Variants in PRKCZ observed in about 807,000 individuals in gnomAD.
PRKCZ encodes protein kinase C zeta type.
A neutral mutation model predicts 79.5 loss-of-function variants in PRKCZ; 33 were observed. That is an observed-to-expected ratio of 0.41 (90% CI 0.31 to 0.55). The LOEUF is 0.55. Ranked by LOEUF, PRKCZ falls within the 20% of genes least tolerant of loss-of-function variation. The probability of loss-of-function intolerance (pLI) is 0.19; values close to 1 mark genes in which losing one functional copy is unlikely to be tolerated. For synonymous variants in PRKCZ, 342 were observed against 320.9 expected, an observed-to-expected ratio of 1.07 and a Z score of -0.70; for missense variants, 578 against 813.5, an observed-to-expected ratio of 0.71 and a Z score of 3.52.
chr1:2,071,726 CTG>C (rs1191795161), intron 4 of PRKCZ, among the ~76,000 whole-genome samples: 3 of 152,192 alleles, frequency 2.0e-5, no homozygotes, highest in African/African-American at 4.8e-5. Context: ...AGCCGGCCGT[CTG>C]TGTGAAGTTT....
At chr1:2,062,625 G>A (rs1660791490) in intron 4 of PRKCZ, among the ~76,000 whole-genome samples, 1 of 151,728 alleles carries the variant, frequency 6.6e-6, no homozygotes, top group African/African-American at 2.4e-5. Context: ...GAGTAGCTGG[G>A]ATTACAGGTG....
chr1:2,095,345 GC>G (rs1666273063), intron 4 of PRKCZ, among the ~76,000 whole-genome samples: 1 of 152,170 alleles, frequency 6.6e-6, no homozygotes, highest in Non-Finnish European at 1.5e-5. Context: ...GGCGGGCAGA[GC>G]CCCATGCTGT....
Position 2,056,534 on chromosome 1 carries a change from C to T in PRKCZ, c.244C>T (p.Leu82=), listed in dbSNP as rs1267268577. 5 of 1,613,886 alleles carry T rather than the reference C, an allele frequency of 3.1e-6. No homozygotes were observed. Among genetic ancestry groups the T allele is most frequent in the East Asian group, 2.2e-5 (1 of 44,884 alleles). Reference sequence around the variant, plus strand: ...GATGGAGCTGGAAGAGGCTTTCCGCCTGGCCCGTCAGTGCAGGGATGAAGG... The same window carrying T: ...GATGGAGCTGGAAGAGGCTTTCCGCTTGGCCCGTCAGTGCAGGGATGAAGG... The part of the protein sequence containing the change: ...SQMELEEAFR[L]ARQCRDEGLI... The change falls in exon 3 of 18, where the codon CTG becomes TTG. Residue 82 remains leucine, a synonymous_variant. Coordinates refer to ENST00000378567, the MANE Select transcript of PRKCZ (RefSeq NM_002744.6).
intron 10 of PRKCZ, among the ~76,000 whole-genome samples, chr1:2,164,473 G>A (rs1283404773): frequency 6.6e-6 from 1 of 152,208 alleles, no homozygotes; most frequent in Non-Finnish European, 1.5e-5. Flanking sequence ...GGGCTGCAGG[G>A]AAGTCACCAG....
chr1:2,096,268 C>G (rs564237475), intron 4 of PRKCZ, among the ~76,000 whole-genome samples: 14 of 151,966 alleles, frequency 9.2e-5, no homozygotes, highest in African/African-American at 3.4e-4. Flanking sequence ...GGGAGGCGCA[C>G]GGCAGCATGA....
chr1:2,153,577 C>T (rs1032709460), intron 9 of PRKCZ, among the ~76,000 whole-genome samples: 5 of 152,244 alleles, frequency 3.3e-5, no homozygotes, highest in South Asian at 2.1e-4. Context: ...TGCCCTGCGC[C>T]GAGGAACAGA....
intron 2 of PRKCZ, among the ~76,000 whole-genome samples, chr1:2,056,181 C>G (rs1660139545): frequency 6.6e-6 from 1 of 152,220 alleles, no homozygotes; most frequent in Admixed American, 6.5e-5. Context: ...CTCCCTCCGC[C>G]CAGGACTGAC....
chr1:2,173,787 A>C lies in PRKCZ; in HGVS notation c.1286-110A>C. The stretch of plus-strand genomic sequence containing the variant: ...CAGAGGCCTGTGTGCCGCCTGCTCA[A>C]GCCTGGCTCACACTCGTGTCAACTG... On this transcript the variant is annotated intron_variant, in intron 13 of 17. Coordinates refer to ENST00000378567, the MANE Select transcript of PRKCZ (RefSeq NM_002744.6). This position sits in a 1 kb window ranked among gnomAD's most constrained non-coding sequence, Gnocchi z 5.7. The C allele has an allele frequency of 6.9e-7, 1 of 1,452,694 alleles. No individual in the cohort carries two copies. The highest frequency in any genetic ancestry group is 9.2e-7 in the Non-Finnish European group (1 of 1,092,466). 90.0% of individuals were successfully genotyped at this position (1,452,694 alleles called of 1,614,324 possible).
At chr1:2,076,918 T>G (rs1245298024) in intron 4 of PRKCZ, among the ~76,000 whole-genome samples, 2 of 152,176 alleles carry the variant, frequency 1.3e-5, no homozygotes, top group African/African-American at 2.4e-5. Context: ...AGGATTCTCC[T>G]GAACACGCGA....
intron 4 of PRKCZ, among the ~76,000 whole-genome samples, chr1:2,102,889 C>G (rs1424210374): frequency 6.6e-6 from 1 of 151,886 alleles, no homozygotes; most frequent in Non-Finnish European, 1.5e-5. Context: ...CCGTCTGTCT[C>G]TCTCTCAAGA....
At chr1:2,099,321 G>GTCAT (rs947858430) in intron 4 of PRKCZ, among the ~76,000 whole-genome samples, 14 of 152,250 alleles carry the variant, frequency 9.2e-5, no homozygotes, top group South Asian at 4.1e-4. Flanking sequence ...CTGGAGCCCT[G>GTCAT]TCATTCATTC....
intron 7 of PRKCZ, among the ~76,000 whole-genome samples, chr1:2,146,405 G>A (rs923412351): frequency 2.6e-5 from 4 of 152,190 alleles, no homozygotes; most frequent in Non-Finnish European, 5.9e-5. Context: ...AACCAGCTCC[G>A]GGAGTTCTCG....
At position 2,133,314 on chromosome 1, in the gene PRKCZ, A is replaced by C. The variant is rs533027071; in HGVS notation, c.335-1948A>C. Among the ~76,000 whole-genome samples, 321 of 139,704 alleles carry C rather than the reference A, an allele frequency of 2.3e-3. 3 individuals carry two copies. Among genetic ancestry groups the C allele is most frequent in the African/African-American group, 8.4e-3 (306 of 36,456 alleles). 91.7% of individuals were successfully genotyped at this position (139,704 alleles called of 152,430 possible). A position where few individuals can be genotyped will look rare whatever the true frequency, so the allele number is the denominator to read the frequency against. On this transcript the variant is annotated intron_variant, in intron 4 of 17. Coordinates refer to ENST00000378567, the MANE Select transcript of PRKCZ (RefSeq NM_002744.6). ...GCCCTGCGGCTCCGCCCGCAGCTGC[A>C]CGTTCGTCCCTCGGCTCCGCCCCCA... is the stretch of plus-strand genomic sequence containing the variant.
At chr1:2,171,934 G>C (rs1444007867) in intron 11 of PRKCZ, 121 bp from the exon 12 acceptor site, 5 of 1,250,934 alleles carry the variant, frequency 4.0e-6, no homozygotes, top group Non-Finnish European at 5.4e-6. Flanking sequence ...TCCTGGGCCT[G>C]GTCATTGAGA....
intron 10 of PRKCZ, among the ~76,000 whole-genome samples, chr1:2,166,262 T>C (rs181216474): frequency 1.6e-4 from 24 of 152,160 alleles, no homozygotes; most frequent in Admixed American, 1.2e-3. Flanking sequence ...CTACAAAAAA[T>C]TTAAAAATTA....
chr1:2,082,997 C>G lies in PRKCZ; in HGVS notation c.334+23406C>G, dbSNP rs115470299. On this transcript the variant is annotated intron_variant, in intron 4 of 17. Transcript: ENST00000378567. The surrounding 1 kb of genome is among the most constrained non-coding windows in gnomAD (Gnocchi z 4.4). ...CAGGTGTCCACACCTTGGGTGCCCC[C>G]GTCCTCCCTCTCCTCATGTCCTAAT... Among the ~76,000 whole-genome samples, 611 of 152,266 alleles carry G rather than the reference C, an allele frequency of 4.0e-3. 4 individuals are homozygous for G. The highest frequency in any genetic ancestry group is 0.014 in the African/African-American group (579 of 41,536).
rs1261393142 is a variant in PRKCZ at position 2,075,678 on chromosome 1, G to A, written c.334+16087G>A. On this transcript the variant is annotated intron_variant, in intron 4 of 17. Transcript: ENST00000378567. This position sits in a 1 kb window ranked among gnomAD's most constrained non-coding sequence, Gnocchi z 4.8. ...ACCTCTGGGCTCCGGGCTCTGCTGCGATGTTTCCGAGGCTCCCAGTTAATC... is the reference window on the plus strand; with the variant it reads ...ACCTCTGGGCTCCGGGCTCTGCTGCAATGTTTCCGAGGCTCCCAGTTAATC... Among the ~76,000 whole-genome samples, 4 of 152,198 alleles carry A rather than the reference G, an allele frequency of 2.6e-5. No individual in the cohort carries two copies. Among genetic ancestry groups the A allele is most frequent in the African/African-American group, 9.7e-5 (4 of 41,444 alleles).
At chr1:2,148,701 G>C (rs1389334319) in intron 7 of PRKCZ, among the ~76,000 whole-genome samples, 171 bp from the exon 8 acceptor site, 1 of 152,224 alleles carries the variant, frequency 6.6e-6, no homozygotes, top group Non-Finnish European at 1.5e-5. Flanking sequence ...TGTGAGTGGG[G>C]CCCAGGAAAC....
chr1:2,066,099 A>G (rs576708713), intron 4 of PRKCZ, among the ~76,000 whole-genome samples: 1 of 152,324 alleles, frequency 6.6e-6, no homozygotes, highest in Non-Finnish European at 1.5e-5. Flanking sequence ...ATAAAGGACA[A>G]TTACATCTGT....
Sources: allele counts gnomAD v4.1 joint callset (sites outside exome capture counted in the v4.1 genomes callset), GRCh38; gene constraint gnomAD v4.1.1; non-coding constraint Gnocchi (gnomAD v3.1); transcripts MANE v1.5; gene names NCBI Gene and HGNC (gene_info 2026-07-23, HGNC 2026-07-21).